KARS1: variants seen among roughly 807,000 people sequenced by gnomAD.
The protein encoded by KARS1 is lysyl-tRNA synthetase 1, also known as lysine--tRNA ligase.
KARS1 carries 50 observed loss-of-function variants against 63.9 expected under a neutral mutation model. That is an observed-to-expected ratio of 0.78 (90% CI 0.62 to 0.99). The LOEUF (loss-of-function observed/expected upper bound fraction) is 0.99, where lower values mean the gene tolerates loss of function less well. Ranked by LOEUF, KARS1 falls within the 50% of genes least tolerant of loss-of-function variation. The pLI is 0.00. For missense variants in KARS1, 816 were observed against 754.5 expected, an observed-to-expected ratio of 1.08 and a Z score of -0.95; for synonymous variants, 320 against 264.6, an observed-to-expected ratio of 1.21 and a Z score of -2.03.
At chr16:75,644,209 G>T (rs1343698550) in intron 1 of KARS1, 2 of 1,384,930 alleles carry the variant, frequency 1.4e-6, no homozygotes, top group Non-Finnish European at 2.0e-6. Context: ...TTAGCCAGAG[G>T]CTTAACGGAA....
Position 75,628,728 on chromosome 16 carries a change from G to C in KARS1, c.1552-16C>G, listed in dbSNP as rs762634834. ...CAGCCTTGGCCTAGAAGAGGAAAGA[G>C]AACCAAAAGGTGACCTTCTTCTAAG... On this transcript the variant is annotated splice_polypyrimidine_tract_variant and intron_variant, in intron 12 of 13. Transcript: ENST00000302445. 6 of 1,613,982 alleles carry C rather than the reference G, an allele frequency of 3.7e-6. No individual in the cohort carries two copies. The African/African-American group carries it at 8.0e-5, about 22-fold the overall frequency.
intron 3 of KARS1, among the ~76,000 whole-genome samples, chr16:75,637,648 G>A (rs2082176558): frequency 2.0e-5 from 3 of 151,834 alleles, no homozygotes; most frequent in Non-Finnish European, 4.4e-5. Flanking sequence ...GCGTGGTGGC[G>A]CATGCCTGTA....
In KARS1 at chr16:75,631,851, A is replaced by G. The variant is rs1280397975; in HGVS notation, c.920T>C (p.Leu307Pro). The change falls in exon 8 of 14, where the codon CTT (leucine) becomes CCT (proline). Residue 307 changes from leucine to proline, a missense_variant. By Grantham distance (98) the Leu-to-Pro change is moderately conservative (BLOSUM62 -3). Coordinates refer to ENST00000302445, the MANE Select transcript of KARS1 (RefSeq NM_005548.3). ...AACCCGGTCGATGCCACCAACCACAAGCATCTAACAACAACACATGGCCAC... is the reference window on the plus strand; with the variant it reads ...AACCCGGTCGATGCCACCAACCACAGGCATCTAACAACAACACATGGCCAC... Reference protein sequence around the residue: ...RIAPELYHKMLVVGGIDRVYE... With the variant: ...RIAPELYHKMPVVGGIDRVYE... 5.0e-6 allele frequency: 8 copies of G among 1,613,858 alleles called. No homozygotes were observed. Among genetic ancestry groups the G allele is most frequent in the Non-Finnish European group, 6.8e-6 (8 of 1,180,028 alleles).
chr16:75,636,886 C>A (rs2082167882), intron 3 of KARS1, among the ~76,000 whole-genome samples: 1 of 151,618 alleles, frequency 6.6e-6, no homozygotes, highest in African/African-American at 2.4e-5. Context: ...GTGATCCACC[C>A]ACCTCAGCCT....
At chr16:75,645,075 G>A (rs2082266247) in intron 1 of KARS1, among the ~76,000 whole-genome samples, 1 of 152,210 alleles carries the variant, frequency 6.6e-6, no homozygotes, top group Non-Finnish European at 1.5e-5. Context: ...ATTTGAGGAG[G>A]CTATTTCACT....
chr16:75,636,186 A>G (rs915961039), intron 4 of KARS1, 88 bp from the exon 5 acceptor site: 6 of 846,382 alleles, frequency 7.1e-6, no homozygotes, highest in African/African-American at 5.0e-5. Context: ...TCAACTGTTA[A>G]TACCTAGTTA....
At position 75,646,239 on chromosome 16, in the gene KARS1, A is replaced by G. The variant is rs539032510; in HGVS notation, c.62+1339T>C. On this transcript the variant is annotated intron_variant, in intron 1 of 13. Transcript: ENST00000302445. ...ATATTTGAAGCACAAAGCCAGGGACACAAAAGGAAACATCAGGCCAGGGGT... is the reference window on the plus strand; with the variant it reads ...ATATTTGAAGCACAAAGCCAGGGACGCAAAAGGAAACATCAGGCCAGGGGT... 2.0e-5 allele frequency among the ~76,000 whole-genome samples: 3 copies of G among 152,334 alleles called. No homozygotes were observed. In the East Asian group the frequency reaches 5.8e-4, roughly 29 times the overall value.
At chr16:75,631,386 A>G (rs1344724033) in intron 9 of KARS1, 30 bp downstream of exon 9, 3 of 1,612,278 alleles carry the variant, frequency 1.9e-6, no homozygotes, top group Non-Finnish European at 2.5e-6. Context: ...GGAGGGCCTT[A>G]CAACGGAGGA....
intron 1 of KARS1, chr16:75,644,160 A>C: frequency 3.8e-6 from 3 of 785,534 alleles, no homozygotes; most frequent in Non-Finnish European, 6.2e-6. Flanking sequence ...TGGTTTTGGT[A>C]TTAGGGCTCC....
At chr16:75,647,285 T>G (rs1258928796) in intron 1 of KARS1, among the ~76,000 whole-genome samples, 1 of 152,230 alleles carries the variant, frequency 6.6e-6, no homozygotes, top group Admixed American at 6.5e-5. Flanking sequence ...AAGTTTCGCT[T>G]TTCTTTTCTG....
chr16:75,637,208 C>T (rs2151806855), intron 3 of KARS1, among the ~76,000 whole-genome samples: 1 of 152,004 alleles, frequency 6.6e-6, no homozygotes, highest in South Asian at 2.1e-4. Context: ...AATCCATGGA[C>T]AAAATTTACA....
At chr16:75,636,180 C>G in intron 4 of KARS1, 82 bp from the exon 5 acceptor site, 2 of 862,830 alleles carry the variant, frequency 2.3e-6, no homozygotes, top group Non-Finnish European at 3.8e-6. Flanking sequence ...CCTCACTCAA[C>G]TGTTAATACC....
chr16:75,630,376 A>C (rs749356793), intron 11 of KARS1, 47 bp downstream of exon 11: 1 of 1,158,116 alleles, frequency 8.6e-7, no homozygotes, highest in Non-Finnish European at 1.3e-6. Context: ...TGTTAACACC[A>C]CTAAGTTTTG....
chr16:75,631,298 C>A (rs1379682737), intron 9 of KARS1, 45 bp from the exon 10 acceptor site: 1 of 1,589,326 alleles, frequency 6.3e-7, no homozygotes, highest in Non-Finnish European at 8.6e-7. Context: ...ATCACACTAG[C>A]CAAGTAAAAA....
At chr16:75,642,982 T>C (rs1265133517) in intron 1 of KARS1, 1 of 152,232 alleles carries the variant, frequency 6.6e-6, no homozygotes, top group Non-Finnish European at 1.5e-5. Flanking sequence ...CTTAACCCTT[T>C]ACTCTCTGTG....
At chr16:75,639,542 A>G (rs1473100575) in intron 3 of KARS1, among the ~76,000 whole-genome samples, 2 of 143,136 alleles carry the variant, frequency 1.4e-5, no homozygotes, top group East Asian at 3.9e-4. Flanking sequence ...ACTGCATTCC[A>G]GCCTGGGAGA....
chr16:75,628,795 T>A, intron 12 of KARS1, 83 bp from the exon 13 acceptor site: 1 of 1,431,826 alleles, frequency 7.0e-7, no homozygotes, highest in African/African-American at 1.4e-5. Context: ...GGCTCCGAGG[T>A]GGGAGTACCA....
At chr16:75,643,956 C>T (rs1249241658) in intron 1 of KARS1, among the ~76,000 whole-genome samples, 1 of 152,124 alleles carries the variant, frequency 6.6e-6, no homozygotes, top group African/African-American at 2.4e-5. Context: ...AGCACTAAGA[C>T]TAGAAACCAA....
At chr16:75,640,609 A>AT (rs2082213781) in intron 2 of KARS1, among the ~76,000 whole-genome samples, 1 of 152,222 alleles carries the variant, frequency 6.6e-6, no homozygotes, top group Non-Finnish European at 1.5e-5. Flanking sequence ...TAAAAGTTTA[A>AT]TTTTTAATTG....
Sources: gnomAD v4.1 joint callset for allele counts (sites outside exome capture counted in the v4.1 genomes callset) on GRCh38, gnomAD v4.1.1 for gene constraint, MANE v1.5 for transcripts, NCBI Gene and HGNC (gene_info 2026-07-23, HGNC 2026-07-21) for gene names.